BCKDHB: variants seen among roughly 807,000 people sequenced by gnomAD.
The protein encoded by BCKDHB is 2-oxoisovalerate dehydrogenase subunit beta, mitochondrial.
Under a neutral mutation model 48.5 loss-of-function variants are expected in BCKDHB, and 41 were observed. The observed-to-expected ratio is 0.85, with a 90% CI of 0.66 to 1.10. The LOEUF is 1.10. BCKDHB is among the 50% of genes least tolerant of loss of function. BCKDHB has a pLI of 0.00. For synonymous variants in BCKDHB, 201 were observed against 174.8 expected, an observed-to-expected ratio of 1.15 and a Z score of -1.18; for missense variants, 496 against 494.2, an observed-to-expected ratio of 1.00 and a Z score of -0.03.
chr6:80,421,031 C>T, the BCKDHB span, among the ~76,000 whole-genome samples: 1 of 152,124 alleles, frequency 6.6e-6, no homozygotes, highest in South Asian at 2.1e-4. Flanking sequence ...AACTCTGGGG[C>T]TCTGATATGG....
chr6:80,156,757 A>G, intron 3 of BCKDHB, among the ~76,000 whole-genome samples: 1 of 152,214 alleles, frequency 6.6e-6, no homozygotes. Flanking sequence ...TCTTTTCATT[A>G]GAATGATTAA....
the BCKDHB span, among the ~76,000 whole-genome samples, chr6:80,384,570 G>A: frequency 0.37 from 56,735 of 151,826 alleles, 13,399 homozygotes; most frequent in Non-Finnish European, 0.54. Context: ...TGTTGGCCAC[G>A]CTGGTCTTGA....
In BCKDHB at chr6:80,309,477, C is replaced by A. The variant is rs138033125; in HGVS notation, c.1039-34187C>A. ...AGTCTCATCCTTTCTATAGTCTCAT[C>A]ATTAATTTTATAAAAATATTTATCT... is the stretch of plus-strand genomic sequence containing the variant. On this transcript the variant is annotated intron_variant, in intron 9 of 9. Transcript: ENST00000320393. Among the ~76,000 whole-genome samples the A allele has an allele frequency of 3.1e-3, 472 of 152,214 alleles. 2 individuals carry two copies. The highest frequency in any genetic ancestry group is 0.01 in the African/African-American group (418 of 41,532).
the BCKDHB span, among the ~76,000 whole-genome samples, chr6:80,405,204 A>G: frequency 6.6e-6 from 1 of 152,104 alleles, no homozygotes; most frequent in Non-Finnish European, 1.5e-5. Context: ...TTTACTTTAC[A>G]TATCTAGGTA....
chr6:80,291,013 C>G (rs1235675778), intron 9 of BCKDHB, among the ~76,000 whole-genome samples: 1 of 152,196 alleles, frequency 6.6e-6, no homozygotes, highest in Non-Finnish European at 1.5e-5. Flanking sequence ...TCTTAGCCAG[C>G]TTCTTTACTG....
intron 9 of BCKDHB, among the ~76,000 whole-genome samples, chr6:80,310,249 C>T (rs1768088016): frequency 6.6e-6 from 1 of 152,166 alleles, no homozygotes; most frequent in South Asian, 2.1e-4. Context: ...TGCTCTTCCT[C>T]CTCCAACCCA....
chr6:80,168,932 A>C lies in BCKDHB; in HGVS notation c.535A>C (p.Ser179Arg). ...YRSGDLFNCG[S>R]LTIRSPWGCV... is the part of the protein sequence containing the mutation. Reference sequence around the variant, plus strand: ...CTCTGGGGATCTTTTTAACTGTGGAAGCCTCACTATCCGGTCCCCTTGGGG... The same window carrying C: ...CTCTGGGGATCTTTTTAACTGTGGACGCCTCACTATCCGGTCCCCTTGGGG... Residue 179 changes from serine to arginine, a missense_variant, in exon 5 of 10, where the codon AGC becomes CGC. Physicochemically the swap from Ser to Arg is moderately radical, Grantham distance 110. Coordinates refer to ENST00000320393, the MANE Select transcript of BCKDHB (RefSeq NM_183050.4). The C allele has an allele frequency of 1.2e-6, 2 of 1,614,180 alleles. No individual in the cohort carries two copies. Among genetic ancestry groups the C allele is most frequent in the Non-Finnish European group, 1.7e-6 (2 of 1,180,018 alleles).
the BCKDHB span, among the ~76,000 whole-genome samples, chr6:80,458,716 T>C: frequency 9.2e-5 from 14 of 152,224 alleles, no homozygotes; most frequent in Admixed American, 3.3e-4. Context: ...TTATTATTAC[T>C]AATAGTGTTT....
chr6:80,221,453 T>A (rs889141930), intron 8 of BCKDHB, among the ~76,000 whole-genome samples: 2 of 152,218 alleles, frequency 1.3e-5, no homozygotes, highest in African/African-American at 4.8e-5. Context: ...CATTTTCTTA[T>A]TTTTTAATAG....
At chr6:80,284,527 A>C (rs1766533181) in intron 9 of BCKDHB, among the ~76,000 whole-genome samples, 1 of 152,154 alleles carries the variant, frequency 6.6e-6, no homozygotes, top group African/African-American at 2.4e-5. Context: ...TTGAAGAGAC[A>C]TAACTTTTTT....
At chr6:80,148,154 C>T (rs1202158627) in intron 3 of BCKDHB, among the ~76,000 whole-genome samples, 1 of 152,118 alleles carries the variant, frequency 6.6e-6, no homozygotes, top group Non-Finnish European at 1.5e-5. Flanking sequence ...CTTGATTATA[C>T]TCTGTATCCC....
chr6:80,301,363 T>C (rs1453903180), intron 9 of BCKDHB, among the ~76,000 whole-genome samples: 1 of 152,102 alleles, frequency 6.6e-6, no homozygotes, highest in East Asian at 1.9e-4. Context: ...ACATAACAGC[T>C]GATCCCACAG....
chr6:80,397,213 A>G, the BCKDHB span, among the ~76,000 whole-genome samples: 1 of 152,302 alleles, frequency 6.6e-6, no homozygotes, highest in South Asian at 2.1e-4. Flanking sequence ...AACACTTAGC[A>G]GAATTTCTGC....
At chr6:80,146,690 A>G (rs1771505246) in intron 3 of BCKDHB, among the ~76,000 whole-genome samples, 1 of 152,138 alleles carries the variant, frequency 6.6e-6, no homozygotes, top group South Asian at 2.1e-4. Context: ...AGGCTTAGGA[A>G]TTGGCAACAT....
chr6:80,236,096 T>TA (rs1398694100), intron 8 of BCKDHB, among the ~76,000 whole-genome samples: 3 of 152,244 alleles, frequency 2.0e-5, no homozygotes, highest in South Asian at 2.1e-4. Context: ...AGAATTCTAT[T>TA]AAAAACAATT....
chr6:80,323,013 T>C (rs1208295118), intron 9 of BCKDHB, among the ~76,000 whole-genome samples: 1 of 151,746 alleles, frequency 6.6e-6, no homozygotes, highest in Non-Finnish European at 1.5e-5. Flanking sequence ...TAAGAGCTCA[T>C]GCTATGGAAT....
intron 9 of BCKDHB, among the ~76,000 whole-genome samples, chr6:80,293,531 G>A (rs1312390698): frequency 6.6e-6 from 1 of 152,122 alleles, no homozygotes; most frequent in African/African-American, 2.4e-5. Context: ...AGGCCTCTAG[G>A]CCTGTGATGG....
chr6:80,265,346 T>A (rs1323816424), intron 8 of BCKDHB, among the ~76,000 whole-genome samples: 1 of 152,104 alleles, frequency 6.6e-6, no homozygotes, highest in Non-Finnish European at 1.5e-5. Flanking sequence ...ATGTGATATA[T>A]ACATACAGTG....
chr6:80,262,494 T>G (rs576356278), intron 8 of BCKDHB, among the ~76,000 whole-genome samples: 1 of 152,262 alleles, frequency 6.6e-6, no homozygotes, highest in Admixed American at 6.5e-5. Flanking sequence ...ATTTAGTAGC[T>G]TTTGGCAAAT....
Sources: allele counts gnomAD v4.1 joint callset (sites outside exome capture counted in the v4.1 genomes callset), GRCh38; gene constraint gnomAD v4.1.1; transcripts MANE v1.5; gene names NCBI Gene and HGNC (gene_info 2026-07-23, HGNC 2026-07-21).